The following MAGI1 variants were observed in gnomAD, a reference collection of about 807,000 sequenced individuals.
MAGI1 encodes the protein membrane associated guanylate kinase, WW and PDZ domain containing 1.
In MAGI1, 58 loss-of-function variants were observed where a neutral mutation model predicts 139.9. The observed-to-expected ratio is 0.41, with a 90% confidence interval of 0.34 to 0.52. MAGI1 has a LOEUF of 0.52. Ranked by LOEUF, MAGI1 falls within the 20% of genes least tolerant of loss-of-function variation. The pLI is 0.12. For missense variants in MAGI1, 1,874 were observed against 1,901.6 expected (o/e 0.99, Z 0.27); for synonymous variants, 812 against 737.9 (o/e 1.10, Z -1.63).
rs750913226 is a variant in MAGI1, at chr3:65,429,718, T to C, written c.1969A>G (p.Ile657Val). ...CCACCCCCACCAGGACTGTCTGCGA[T>C]AGTAAAACCAAAGCCCATTGGCCCT... Reference protein sequence around the residue: ...VKGPMGFGFTIADSPGGGGQR... With the variant: ...VKGPMGFGFTVADSPGGGGQR... Residue 657 changes from isoleucine (I) to valine (V), a missense_variant, in exon 12 of 23, where the codon ATC (isoleucine) becomes GTC (valine). By Grantham distance (29) the Ile-to-Val change is conservative. Around this residue, in one of 5 missense-constraint regions of MAGI1, gnomAD observed 482 missense variants for 509.6 expected, o/e 0.95. Transcript: ENST00000402939. 10 of 1,613,990 alleles carry C rather than the reference T, an allele frequency of 6.2e-6. 1 individual carries two copies. The highest frequency in any genetic ancestry group is 1.7e-4 in the Middle Eastern group (1 of 6,058).
intron 1 of MAGI1, among the ~76,000 whole-genome samples, chr3:65,813,901 G>C (rs1033168467): frequency 6.6e-6 from 1 of 152,068 alleles, no homozygotes; most frequent in Non-Finnish European, 1.5e-5. Flanking sequence ...ATATCTAAAG[G>C]TACCTTGCAG....
At chr3:65,620,125 A>C (rs2083588002) in intron 2 of MAGI1, 1 of 247,826 alleles carries the variant, frequency 4.0e-6, no homozygotes, top group Non-Finnish European at 6.4e-6. Context: ...AACACCACAG[A>C]TGCATCAAGA....
intron 1 of MAGI1, among the ~76,000 whole-genome samples, chr3:65,859,912 T>G (rs574206291): frequency 8.0e-4 from 117 of 146,508 alleles, no homozygotes; most frequent in East Asian, 2.7e-3. Flanking sequence ...TTTTGTTTTT[T>G]TTTTTTTGAG....
At chr3:65,524,888 AG>A (rs1323039115) in intron 2 of MAGI1, among the ~76,000 whole-genome samples, 1 of 152,136 alleles carries the variant, frequency 6.6e-6, no homozygotes, top group Non-Finnish European at 1.5e-5. Context: ...AAACTGGCAA[AG>A]GTCCCAACCC....
chr3:65,393,346 T>A (rs1475888515), intron 13 of MAGI1, among the ~76,000 whole-genome samples: 3 of 152,162 alleles, frequency 2.0e-5, no homozygotes, highest in Non-Finnish European at 4.4e-5. Context: ...TGAACCTACA[T>A]AACAACACAT....
chr3:65,919,473 G>T (rs1252161851), intron 1 of MAGI1, among the ~76,000 whole-genome samples: 1 of 151,856 alleles, frequency 6.6e-6, no homozygotes, highest in Non-Finnish European at 1.5e-5. Context: ...TAAGGGGGAG[G>T]ATCTCTTGAG....
intron 1 of MAGI1, among the ~76,000 whole-genome samples, chr3:65,944,903 G>A (rs1479688213): frequency 6.6e-6 from 1 of 152,030 alleles, no homozygotes; most frequent in East Asian, 1.9e-4. Flanking sequence ...TAACAACCAG[G>A]CAAATATTCA....
intron 4 of MAGI1, 107 bp downstream of exon 4, chr3:65,478,483 ACT>A: frequency 8.6e-6 from 9 of 1,048,552 alleles, no homozygotes; most frequent in South Asian, 8.2e-5. Context: ...AATTTTGGCG[ACT>A]CTACAAAATC....
At chr3:65,516,368 T>A (rs142582289) in intron 2 of MAGI1, among the ~76,000 whole-genome samples, 1 of 151,926 alleles carries the variant, frequency 6.6e-6, no homozygotes, top group Non-Finnish European at 1.5e-5. Context: ...TTAGTAGAGA[T>A]AGGGTTTCAC....
chr3:65,604,749 A>G (rs2082654337), intron 2 of MAGI1, among the ~76,000 whole-genome samples: 1 of 152,042 alleles, frequency 6.6e-6, no homozygotes, highest in Admixed American at 6.6e-5. Flanking sequence ...AAAAAAAACT[A>G]TTGACAAGTC....
intron 2 of MAGI1, among the ~76,000 whole-genome samples, chr3:65,598,723 T>C (rs2082345325): frequency 6.6e-6 from 1 of 152,084 alleles, no homozygotes; most frequent in African/African-American, 2.4e-5. Flanking sequence ...TAAGGAGTGA[T>C]AGGATAGTGG....
At chr3:65,715,210 C>T (rs527860231) in intron 1 of MAGI1, among the ~76,000 whole-genome samples, 8 of 152,312 alleles carry the variant, frequency 5.3e-5, no homozygotes, top group African/African-American at 1.9e-4. Context: ...ATATCACTCT[C>T]ATCAGATGCT....
At chr3:65,423,677 C>T (rs1433148639) in intron 12 of MAGI1, among the ~76,000 whole-genome samples, 1 of 152,208 alleles carries the variant, frequency 6.6e-6, no homozygotes, top group African/African-American at 2.4e-5. Flanking sequence ...TTCCTAGGTT[C>T]CAATCCTAGC....
chr3:65,432,330 A>G (rs528262009), intron 10 of MAGI1, among the ~76,000 whole-genome samples: 1 of 152,246 alleles, frequency 6.6e-6, no homozygotes, highest in East Asian at 1.9e-4. Context: ...CCAAAACAAA[A>G]AGAGAGAGAG....
chr3:65,654,100 C>T (rs1559757617), intron 1 of MAGI1, among the ~76,000 whole-genome samples: 1 of 152,040 alleles, frequency 6.6e-6, no homozygotes, highest in African/African-American at 2.4e-5. Flanking sequence ...TTTTTTTAAA[C>T]TCTAAATGGT....
intron 15 of MAGI1, among the ~76,000 whole-genome samples, chr3:65,383,278 G>T (rs1024842149): frequency 6.6e-6 from 1 of 152,144 alleles, no homozygotes; most frequent in African/African-American, 2.4e-5. Context: ...TCCCTTGGGG[G>T]AAAAGGGGTG....
At chr3:65,648,597 A>C (rs1368572530) in intron 1 of MAGI1, among the ~76,000 whole-genome samples, 5 of 152,212 alleles carry the variant, frequency 3.3e-5, no homozygotes, top group African/African-American at 1.2e-4. Context: ...ATACACCACA[A>C]TCAAGAATTC....
chr3:65,506,722 C>T (rs1576077095), intron 2 of MAGI1, among the ~76,000 whole-genome samples: 1 of 152,212 alleles, frequency 6.6e-6, no homozygotes, highest in Middle Eastern at 3.4e-3. Flanking sequence ...TGCCCTAATT[C>T]CATGTTAACC....
At chr3:65,450,244 G>A (rs936851993) in intron 6 of MAGI1, among the ~76,000 whole-genome samples, 5 of 152,162 alleles carry the variant, frequency 3.3e-5, no homozygotes, top group Non-Finnish European at 7.4e-5. Flanking sequence ...AGACCCTGTG[G>A]AGGTTGTCAG....
Sources: gnomAD v4.1 joint callset for allele counts (sites outside exome capture counted in the v4.1 genomes callset) on GRCh38, gnomAD v4.1.1 for gene constraint, gnomAD v4.1.1 regional missense constraint, MANE v1.5 for transcripts, NCBI Gene and HGNC (gene_info 2026-07-23, HGNC 2026-07-21) for gene names.